Variants in SLC25A42 observed in about 807,000 individuals in gnomAD.
The protein encoded by SLC25A42 is solute carrier family 25 member 42.
SLC25A42 carries 19 observed loss-of-function variants against 34.7 expected under a neutral mutation model. The observed-to-expected ratio is 0.55, with a 90% CI of 0.38 to 0.80. SLC25A42 has a LOEUF of 0.80. Among genes scored for constraint, SLC25A42 ranks in the 30% least tolerant of loss-of-function variants. SLC25A42 has a pLI of 0.00. For synonymous variants in SLC25A42, 205 were observed against 191.2 expected (o/e 1.07, Z -0.59); for missense variants, 364 against 441.3 (o/e 0.82, Z 1.57).
intron 1 of SLC25A42, among the ~76,000 whole-genome samples, chr19:19,067,703 C>A (rs1345497066): frequency 6.6e-6 from 1 of 151,958 alleles, no homozygotes; most frequent in Non-Finnish European, 1.5e-5. Context: ...GCTAGAAGAA[C>A]CATTTAGCTG....
At chr19:19,103,007 C>T (rs931646114) in intron 3 of SLC25A42, among the ~76,000 whole-genome samples, 15 of 152,182 alleles carry the variant, frequency 9.9e-5, no homozygotes, top group African/African-American at 3.1e-4. Flanking sequence ...CTTGTGGCCG[C>T]ATGGCTCCAA....
At chr19:19,086,011 C>G (rs2059706474) in intron 1 of SLC25A42, among the ~76,000 whole-genome samples, 1 of 152,212 alleles carries the variant, frequency 6.6e-6, no homozygotes, top group Admixed American at 6.5e-5. Flanking sequence ...GCCTTGGGAC[C>G]ATGTGCCGTG....
At chr19:19,084,048 A>G (rs1296991954) in intron 1 of SLC25A42, among the ~76,000 whole-genome samples, 2 of 138,560 alleles carry the variant, frequency 1.4e-5, no homozygotes, top group Non-Finnish European at 3.1e-5. Flanking sequence ...GGCCCTGCAC[A>G]CACCTGACTG....
At chr19:19,065,610 G>A (rs1207103414) in intron 1 of SLC25A42, among the ~76,000 whole-genome samples, 1 of 152,122 alleles carries the variant, frequency 6.6e-6, no homozygotes, top group African/African-American at 2.4e-5. Context: ...GTTTCAGAGG[G>A]TCATGTCACC....
intron 2 of SLC25A42, among the ~76,000 whole-genome samples, chr19:19,101,345 C>A (rs2059795180): frequency 6.6e-6 from 1 of 152,154 alleles, no homozygotes; most frequent in African/African-American, 2.4e-5. Flanking sequence ...CACGCTGACA[C>A]AGAGTCAGGG....
chr19:19,064,797 C>T (rs1305185139), intron 1 of SLC25A42, among the ~76,000 whole-genome samples: 1 of 151,898 alleles, frequency 6.6e-6, no homozygotes, highest in Admixed American at 6.6e-5. Flanking sequence ...CCCCGAATCC[C>T]CCAGGTCCTC....
chr19:19,097,097 C>G (rs1401931829), intron 2 of SLC25A42, among the ~76,000 whole-genome samples: 4 of 152,146 alleles, frequency 2.6e-5, no homozygotes, highest in African/African-American at 9.7e-5. Flanking sequence ...CCATAGAAAC[C>G]AGAACCCCCA....
Position 19,106,297 on chromosome 19 carries a change from G to A in SLC25A42, c.409G>A (p.Ala137Thr), listed in dbSNP as rs2059827406. The change falls in exon 6 of 8, where the codon GCC becomes ACC. Residue 137 changes from alanine to threonine, a missense_variant. Physicochemically the swap from Ala to Thr is moderately conservative, Grantham distance 58 (BLOSUM62 0). Transcript: ENST00000318596. ...EALPPWPRLF[A>T]GALAGTTAAS... is the part of the protein sequence containing the mutation. The stretch of plus-strand genomic sequence containing the variant: ...CCTGCCCCCTTGGCCTCGCCTCTTC[G>A]CCGGCGCACTGGCTGGAACGACAGC... 1 of 1,612,804 alleles carries A rather than the reference G, an allele frequency of 6.2e-7. No individual in the cohort carries two copies.
chr19:19,089,305 A>G (rs2059725288), intron 1 of SLC25A42, among the ~76,000 whole-genome samples: 1 of 152,056 alleles, frequency 6.6e-6, no homozygotes, highest in African/African-American at 2.4e-5. Flanking sequence ...AGGCGGGCAG[A>G]TCATGAGGTC....
chr19:19,089,254 G>A (rs1038705113), intron 1 of SLC25A42, among the ~76,000 whole-genome samples: 7 of 152,242 alleles, frequency 4.6e-5, no homozygotes, highest in Admixed American at 3.3e-4. Context: ...AGGGCTGGGC[G>A]CGGGGCCTCA....
At chr19:19,069,143 T>G (rs1230220422) in intron 1 of SLC25A42, among the ~76,000 whole-genome samples, 1 of 152,216 alleles carries the variant, frequency 6.6e-6, no homozygotes, top group African/African-American at 2.4e-5. Context: ...CCCACCCTGT[T>G]CACAGAGCTA....
intron 1 of SLC25A42, among the ~76,000 whole-genome samples, chr19:19,068,622 C>T (rs1037838347): frequency 6.6e-6 from 1 of 151,570 alleles, no homozygotes; most frequent in Non-Finnish European, 1.5e-5. Flanking sequence ...GAGCCAAGAT[C>T]GTGCCACTGC....
At position 19,110,899 on chromosome 19, in the gene SLC25A42, A is replaced by G; in HGVS notation, c.*23A>G. 6.2e-7 allele frequency: 1 copy of G among 1,612,302 alleles called. No homozygotes were observed. Among genetic ancestry groups the G allele is most frequent in the East Asian group, 2.2e-5 (1 of 44,846 alleles). On this transcript the variant is annotated 3_prime_UTR_variant, in exon 8 of 8. Transcript: ENST00000318596. ...TAGGGGACCCTGAGCTGCTCTCAGGACGGTGGACCGGTGACCCCTTTGTAT... is the reference window on the plus strand; with the variant it reads ...TAGGGGACCCTGAGCTGCTCTCAGGGCGGTGGACCGGTGACCCCTTTGTAT...
At position 19,106,790 on chromosome 19, in the gene SLC25A42, G is replaced by A. The variant is rs1157845822; in HGVS notation, c.497+405G>A. On this transcript the variant is annotated intron_variant, in intron 6 of 7. Transcript: ENST00000318596. ...TTTACTAAAAATACAAAAATTAGCCGGGCGTGGTGACACGCACCTGTACTC... is the reference window on the plus strand; with the variant it reads ...TTTACTAAAAATACAAAAATTAGCCAGGCGTGGTGACACGCACCTGTACTC... 4 of 152,270 alleles carry A rather than the reference G, an allele frequency of 2.6e-5. No individual in the cohort carries two copies. In the East Asian group the frequency reaches 5.8e-4, roughly 22 times the overall value. 9.4% of individuals were successfully genotyped at this position (152,270 alleles called of 1,614,324 possible).
chr19:19,099,561 C>T (rs2145918702), intron 2 of SLC25A42, among the ~76,000 whole-genome samples: 1 of 152,076 alleles, frequency 6.6e-6, no homozygotes, highest in Admixed American at 6.5e-5. Context: ...AGCCCTTTAC[C>T]CCGAGCCACA....
rs770948242 is a variant in SLC25A42 at position 19,105,674 on chromosome 19, C to T, written c.327C>T (p.Ser109=). 5 of 1,612,814 alleles carry T rather than the reference C, an allele frequency of 3.1e-6. No homozygotes were observed. Among genetic ancestry groups the T allele is most frequent in the African/African-American group, 2.7e-5 (2 of 74,890 alleles). The part of the protein sequence containing the change: ...RVVPYAAIQF[S]AHEEYKRILG... ...TGCCCTACGCCGCCATCCAGTTCAGCGCACACGAGGAGTACAAGCGCATCC... is the reference window on the plus strand; with the variant it reads ...TGCCCTACGCCGCCATCCAGTTCAGTGCACACGAGGAGTACAAGCGCATCC... The change falls in exon 5 of 8, where the codon AGC becomes AGT. Residue 109 remains serine, a synonymous_variant. Coordinates refer to ENST00000318596, the MANE Select transcript of SLC25A42 (RefSeq NM_178526.5).
Position 19,112,064 on chromosome 19 carries a change from A to G in SLC25A42, c.*1188A>G, listed in dbSNP as rs1017675238. ...TCAGAAACACCCATTTCCTAATGAC[A>G]TGGTGAGTTTCTTGATTTCTTTTTT... On this transcript the variant is annotated 3_prime_UTR_variant, in exon 8 of 8. Coordinates refer to ENST00000318596, the MANE Select transcript of SLC25A42 (RefSeq NM_178526.5). This position sits in a 1 kb window ranked among gnomAD's most constrained non-coding sequence, Gnocchi z 4.3. 1 of 152,210 alleles carries G rather than the reference A, an allele frequency of 6.6e-6. No individual in the cohort carries two copies. Among genetic ancestry groups the G allele is most frequent in the African/African-American group, 2.4e-5 (1 of 41,412 alleles). The allele number at this position is 152,210 out of a possible 1,614,324, so 9.4% of individuals were successfully genotyped here. A position where few individuals can be genotyped will look rare whatever the true frequency, so the allele number is the denominator to read the frequency against.
chr19:19,068,992 A>G (rs1291951087), intron 1 of SLC25A42, among the ~76,000 whole-genome samples: 1 of 151,296 alleles, frequency 6.6e-6, no homozygotes, highest in African/African-American at 2.4e-5. Flanking sequence ...GTGCCACTGC[A>G]CTCCAGCCTG....
chr19:19,102,743 AAAAT>A (rs140086036), intron 3 of SLC25A42, among the ~76,000 whole-genome samples: 4,062 of 148,618 alleles, frequency 0.027, 82 homozygotes, highest in Non-Finnish European at 0.038. Context: ...CTCTGTCTCA[AAAAT>A]AAATAAATAA....
Sources: allele counts gnomAD v4.1 joint callset (sites outside exome capture counted in the v4.1 genomes callset), GRCh38; gene constraint gnomAD v4.1.1; non-coding constraint Gnocchi (gnomAD v3.1); transcripts MANE v1.5; gene names NCBI Gene and HGNC (gene_info 2026-07-23, HGNC 2026-07-21).